PRKACB: variants seen among roughly 807,000 people sequenced by gnomAD.
PRKACB encodes protein kinase cAMP-activated catalytic subunit beta.
PRKACB carries 16 observed loss-of-function variants against 51.4 expected under a neutral mutation model. That is an observed-to-expected ratio of 0.31 (90% CI 0.21 to 0.47). The LOEUF (loss-of-function observed/expected upper bound fraction) is 0.47, where lower values mean the gene tolerates loss of function less well. Ranked by LOEUF, PRKACB falls within the 20% of genes least tolerant of loss-of-function variation. The probability of loss-of-function intolerance (pLI) is 1.00; values close to 1 mark genes in which losing one functional copy is unlikely to be tolerated. For missense variants in PRKACB, 309 were observed against 464.5 expected (o/e 0.67, Z 3.08); for synonymous variants, 147 against 154.4 (o/e 0.95, Z 0.35).
intron 1 of PRKACB, among the ~76,000 whole-genome samples, chr1:84,094,327 G>A (rs10874428): frequency 0.49 from 74,818 of 151,710 alleles, 18,905 homozygotes; most frequent in Non-Finnish European, 0.56. Flanking sequence ...TTCTGCGTCT[G>A]TGAGTTTTGA....
chr1:84,205,107 T>C, intron 8 of PRKACB: 1 of 982,228 alleles, frequency 1.0e-6, no homozygotes, highest in Non-Finnish European at 1.2e-6. Context: ...GGTGTACTTT[T>C]GTTTTTTAAC....
At chr1:84,131,854 C>G (rs567704161) in intron 1 of PRKACB, among the ~76,000 whole-genome samples, 1 of 152,346 alleles carries the variant, frequency 6.6e-6, no homozygotes, top group Admixed American at 6.5e-5. Flanking sequence ...CCCACACTTT[C>G]ATGGGTTTTG....
chr1:84,172,267 T>C (rs922997899), intron 1 of PRKACB, among the ~76,000 whole-genome samples: 1 of 151,618 alleles, frequency 6.6e-6, no homozygotes, highest in Non-Finnish European at 1.5e-5. Flanking sequence ...ATTCAGGCCT[T>C]TCTGGAAAAT....
chr1:84,210,166 A>C (rs1671919243), intron 8 of PRKACB, among the ~76,000 whole-genome samples: 1 of 152,210 alleles, frequency 6.6e-6, no homozygotes, highest in Non-Finnish European at 1.5e-5. Flanking sequence ...CTGGGGAATT[A>C]GATTTATTCT....
At chr1:84,177,470 G>A (rs1265536773) in intron 1 of PRKACB, among the ~76,000 whole-genome samples, 1 of 152,084 alleles carries the variant, frequency 6.6e-6, no homozygotes, top group Non-Finnish European at 1.5e-5. Context: ...GCCGGACACA[G>A]TGGCTCACAC....
chr1:84,133,376 A>T (rs1652452546), intron 1 of PRKACB, among the ~76,000 whole-genome samples: 1 of 152,230 alleles, frequency 6.6e-6, no homozygotes, highest in Non-Finnish European at 1.5e-5. Context: ...TGAAACTCAG[A>T]TCTACATAAA....
intron 5 of PRKACB, among the ~76,000 whole-genome samples, chr1:84,187,416 G>A (rs928548029): frequency 6.6e-6 from 1 of 152,102 alleles, no homozygotes; most frequent in African/African-American, 2.4e-5. Flanking sequence ...TTGTTCTAGT[G>A]TTTTGAGAAA....
intron 5 of PRKACB, among the ~76,000 whole-genome samples, chr1:84,188,863 C>G (rs1290380778): frequency 6.6e-6 from 1 of 151,634 alleles, no homozygotes; most frequent in Admixed American, 6.6e-5. Context: ...GACTTAAAAC[C>G]CTTGGTCAAA....
intron 1 of PRKACB, among the ~76,000 whole-genome samples, chr1:84,084,966 T>C (rs1366766848): frequency 6.6e-6 from 1 of 152,190 alleles, no homozygotes; most frequent in Non-Finnish European, 1.5e-5. Context: ...CATTTTACTC[T>C]TTTCAAAGAC....
At chr1:84,104,259 TTAACA>T (rs892520621) in intron 1 of PRKACB, among the ~76,000 whole-genome samples, 16 of 152,238 alleles carry the variant, frequency 1.1e-4, no homozygotes, top group Admixed American at 2.6e-4. Context: ...CTGATTTCAC[TTAACA>T]TAACATCCTC....
At chr1:84,230,298 G>A (rs1238544835) in intron 9 of PRKACB, among the ~76,000 whole-genome samples, 1 of 152,032 alleles carries the variant, frequency 6.6e-6, no homozygotes, top group African/African-American at 2.4e-5. Flanking sequence ...CTATATCTCT[G>A]TTTTGGTACC....
At chr1:84,140,770 C>T (rs1484294765), upstream of PRKACB, among the ~76,000 whole-genome samples, 1 of 152,096 alleles carries the variant, frequency 6.6e-6, no homozygotes. Flanking sequence ...TGGAAAATAA[C>T]TGCATTTAAA....
In PRKACB at chr1:84,185,141, G is replaced by T; in HGVS notation, c.519G>T (p.Gly173=). Residue 173 remains glycine (G), a synonymous_variant, in exon 5 of 10, where the codon GGG becomes GGT. Transcript: ENST00000370685. ...NLYMVMEYVP[G]GEMFSHLRRI... ...ACATGGTTATGGAATATGTCCCTGG[G>T]GGTGAAATGTTTTCACATCTAAGAA... 1 of 1,506,536 alleles carries T rather than the reference G, an allele frequency of 6.6e-7. No homozygotes were observed. The highest frequency in any genetic ancestry group is 8.8e-7 in the Non-Finnish European group (1 of 1,132,102). 93.3% of individuals were successfully genotyped at this position (1,506,536 alleles called of 1,614,324 possible). A position where few individuals can be genotyped will look rare whatever the true frequency, so the allele number is the denominator to read the frequency against.
intron 1 of PRKACB, among the ~76,000 whole-genome samples, chr1:84,125,355 C>G (rs569316805): frequency 6.6e-6 from 1 of 152,282 alleles, no homozygotes. Flanking sequence ...TGCCATGGCT[C>G]TCTTCTGCTC....
chr1:84,164,279 C>G, intron 1 of PRKACB: 1 of 1,484,386 alleles, frequency 6.7e-7, no homozygotes, highest in Non-Finnish European at 9.0e-7. Context: ...CAATAAGATT[C>G]ATCGCCAATA....
intron 1 of PRKACB, among the ~76,000 whole-genome samples, chr1:84,138,382 A>G (rs780158722): frequency 9.2e-5 from 14 of 152,212 alleles, no homozygotes; most frequent in Non-Finnish European, 2.9e-5. Context: ...TAATGTGTAC[A>G]TTAGAAACAA....
At chr1:84,146,377 A>T (rs1654080412) in intron 1 of PRKACB, among the ~76,000 whole-genome samples, 1 of 151,976 alleles carries the variant, frequency 6.6e-6, no homozygotes, top group Non-Finnish European at 1.5e-5. Flanking sequence ...ATGAAGCTAT[A>T]ATTTCCTATT....
chr1:84,183,890 A>C, intron 3 of PRKACB, 147 bp from the exon 4 acceptor site: 1 of 811,896 alleles, frequency 1.2e-6, no homozygotes, highest in Non-Finnish European at 1.7e-6. Context: ...GCACCAACCT[A>C]AAAGTTGGTA....
At chr1:84,087,909 C>A (rs943971834) in intron 1 of PRKACB, among the ~76,000 whole-genome samples, 1 of 151,936 alleles carries the variant, frequency 6.6e-6, no homozygotes, top group African/African-American at 2.4e-5. Context: ...TATTCCCTAG[C>A]CAGTGAAATA....
Sources: allele counts gnomAD v4.1 joint callset (sites outside exome capture counted in the v4.1 genomes callset), GRCh38; gene constraint gnomAD v4.1.1; transcripts MANE v1.5; gene names NCBI Gene and HGNC (gene_info 2026-07-23, HGNC 2026-07-21).